CDH4: variants seen among roughly 807,000 people sequenced by gnomAD.
CDH4 encodes cadherin-4.
CDH4 carries 33 observed loss-of-function variants against 86.0 expected under a neutral mutation model. The ratio of observed to expected loss-of-function variants is 0.38; its 90% CI spans 0.29 to 0.51. The LOEUF is 0.51. CDH4 is among the 20% of genes least tolerant of loss of function. The pLI is 0.86. For synonymous variants in CDH4, 555 were observed against 549.4 expected, an observed-to-expected ratio of 1.01 and a Z score of -0.14; for missense variants, 1,114 against 1,307.4, an observed-to-expected ratio of 0.85 and a Z score of 2.28.
At chr20:61,375,837 G>A (rs796800968) in intron 2 of CDH4, among the ~76,000 whole-genome samples, 9 of 49,634 alleles carry the variant, frequency 1.8e-4, no homozygotes, top group South Asian at 8.0e-4. Flanking sequence ...TGGTGGTGAT[G>A]GTGTGGTTTG....
At chr20:61,626,315 C>A (rs2086829673) in intron 2 of CDH4, among the ~76,000 whole-genome samples, 1 of 152,194 alleles carries the variant, frequency 6.6e-6, no homozygotes, top group Non-Finnish European at 1.5e-5. Flanking sequence ...CCAAAGACGA[C>A]CTGGAGCTGC....
chr20:61,582,845 C>T lies in CDH4; in HGVS notation c.170-160718C>T, dbSNP rs1254870972. Among the ~76,000 whole-genome samples the T allele has an allele frequency of 6.6e-6, 1 of 152,192 alleles. No homozygotes were observed. The highest frequency in any genetic ancestry group is 1.5e-5 in the Non-Finnish European group (1 of 68,034). On this transcript the variant is annotated intron_variant, in intron 2 of 15. Transcript: ENST00000614565. This position sits in a 1 kb window ranked among gnomAD's most constrained non-coding sequence, Gnocchi z 4.2. ...TGTGCAAATCAACGATGTCTACATT[C>T]AGAGTTGTGCAGCCACCACCCCAGT...
chr20:61,910,965 G>GT (rs1302144725), intron 9 of CDH4, among the ~76,000 whole-genome samples: 1 of 152,184 alleles, frequency 6.6e-6, no homozygotes, highest in Admixed American at 6.5e-5. Context: ...GTAATATTTT[G>GT]TAACACATTG....
At chr20:61,853,274 C>T (rs1467166004) in intron 6 of CDH4, among the ~76,000 whole-genome samples, 5 of 152,120 alleles carry the variant, frequency 3.3e-5, no homozygotes, top group East Asian at 3.9e-4. Context: ...GGTGGGCTCC[C>T]GGGCAGGCGG....
rs542456884 is a variant in CDH4 at position 61,517,942 on chromosome 20, T to A, written c.170-225621T>A. ...TGCACAGACACAGCCAGACAGCTTC[T>A]GGGGCTGATTGCCCCTGGATGGGCC... On this transcript the variant is annotated intron_variant, in intron 2 of 15. Transcript: ENST00000614565. This position sits in a 1 kb window ranked among gnomAD's most constrained non-coding sequence, Gnocchi z 6.6. Among the ~76,000 whole-genome samples, 34 of 152,302 alleles carry A rather than the reference T, an allele frequency of 2.2e-4. No homozygotes were observed. The highest frequency in any genetic ancestry group is 7.5e-4 in the African/African-American group (31 of 41,594).
chr20:61,751,623 G>A (rs2088497577), intron 3 of CDH4, among the ~76,000 whole-genome samples: 1 of 152,158 alleles, frequency 6.6e-6, no homozygotes, highest in Admixed American at 6.5e-5. Context: ...TAGCCCACAG[G>A]CCTTTTATGG....
rs961772641 is a variant in CDH4 at position 61,902,711 on chromosome 20, C to A, written c.1188+7664C>A. 6.6e-6 allele frequency among the ~76,000 whole-genome samples: 1 copy of A among 152,190 alleles called. No individual in the cohort carries two copies. The highest frequency in any genetic ancestry group is 1.5e-5 in the Non-Finnish European group (1 of 68,034). On this transcript the variant is annotated intron_variant, in intron 8 of 15. Coordinates refer to ENST00000614565, the MANE Select transcript of CDH4 (RefSeq NM_001794.5). The surrounding 1 kb of genome is among the most constrained non-coding windows in gnomAD (Gnocchi z 4.6). ...AAAACAAAAAGATTCAGGCCACAGG[C>A]TTGTTGTCGAGCCCTGACTTCACCT... is the stretch of plus-strand genomic sequence containing the variant.
chr20:61,826,822 C>T (rs961519465), intron 4 of CDH4, among the ~76,000 whole-genome samples: 2 of 152,206 alleles, frequency 1.3e-5, no homozygotes, highest in African/African-American at 4.8e-5. Flanking sequence ...TGTCTCCTCA[C>T]CTCTGCTCTT....
chr20:61,920,200 G>GCA (rs2054959556), intron 9 of CDH4, among the ~76,000 whole-genome samples: 1 of 146,176 alleles, frequency 6.8e-6, no homozygotes, highest in African/African-American at 2.5e-5. Context: ...GTGGTGTCAT[G>GCA]GTGACTGCGT....
At chr20:61,928,473 G>A (rs2055071318) in intron 12 of CDH4, 50 bp downstream of exon 12, 6 of 1,521,796 alleles carry the variant, frequency 3.9e-6, no homozygotes, top group Non-Finnish European at 5.4e-6. Context: ...TGGGGTGCAG[G>A]CCCCTGGGAG....
chr20:61,319,091 C>T (rs1197323717), intron 2 of CDH4, among the ~76,000 whole-genome samples: 1 of 152,202 alleles, frequency 6.6e-6, no homozygotes, highest in Non-Finnish European at 1.5e-5. Context: ...CCTGTAGCTG[C>T]CAAAGACGCT....
At chr20:61,704,615 C>T (rs2087810558) in intron 2 of CDH4, among the ~76,000 whole-genome samples, 1 of 152,208 alleles carries the variant, frequency 6.6e-6, no homozygotes, top group Non-Finnish European at 1.5e-5. Flanking sequence ...GGTAGAGTCA[C>T]TCTCACCCCT....
intron 6 of CDH4, among the ~76,000 whole-genome samples, chr20:61,861,355 C>T (rs73307856): frequency 0.02 from 2,991 of 152,318 alleles, 99 homozygotes; most frequent in African/African-American, 0.065. Flanking sequence ...CACTAAATGC[C>T]ACGACAGCCC....
In CDH4 at chr20:61,378,259, GA is replaced by G. The variant is rs947680621; in HGVS notation, c.169+123331del. On this transcript the variant is annotated intron_variant, in intron 2 of 15. Coordinates refer to ENST00000614565, the MANE Select transcript of CDH4 (RefSeq NM_001794.5). ...GAGAAAGCAAAACTCTCTGTTAAAA[GA>G]AAAAAAAATTTATTGGGATATAGTT... 9.2e-5 allele frequency among the ~76,000 whole-genome samples: 14 copies of G among 151,678 alleles called. No individual in the cohort carries two copies. The South Asian group carries it at 1.0e-3, about 11-fold the overall frequency.
rs1248109005 is a variant in CDH4, at chr20:61,743,566, A to G, written c.173A>G (p.Lys58Arg). The G allele has an allele frequency of 3.8e-6, 6 of 1,559,906 alleles. No homozygotes were observed. In the Admixed American group the frequency reaches 9.6e-5, roughly 25 times the overall value. ...CTCTCTCCCCCTCCTCTTGCAGTCA[A>G]GTTCAGCAGCTGTGTGGGGACCAAG... Reference protein sequence around the residue: ...ILEGEKLLQVKFSSCVGTKGT... With the variant: ...ILEGEKLLQVRFSSCVGTKGT... Residue 58 changes from lysine (K) to arginine (R), a missense_variant, in exon 3 of 16, where the codon AAG becomes AGG. Around this residue, in one of 3 missense-constraint regions of CDH4, gnomAD observed 221 missense variants for 209.5 expected, o/e 1.05. Coordinates refer to ENST00000614565, the MANE Select transcript of CDH4 (RefSeq NM_001794.5).
intron 2 of CDH4, among the ~76,000 whole-genome samples, chr20:61,376,061 T>C (rs142204820): frequency 1.9e-4 from 23 of 118,742 alleles, no homozygotes; most frequent in South Asian, 2.9e-4. Context: ...GTGGTGATGG[T>C]GTGGTTTGTT....
chr20:61,504,042 G>C (rs1363787394), intron 2 of CDH4, among the ~76,000 whole-genome samples: 2 of 152,198 alleles, frequency 1.3e-5, no homozygotes, highest in South Asian at 2.1e-4. Context: ...GACCACAGCA[G>C]CCTTCCCCAT....
chr20:61,599,945 C>A, intron 2 of CDH4: 1 of 985,528 alleles, frequency 1.0e-6, no homozygotes, highest in Non-Finnish European at 1.2e-6. Context: ...GGTAGAGGAA[C>A]GGCCTCTCCA....
At chr20:61,453,464 T>A (rs1311467029) in intron 2 of CDH4, among the ~76,000 whole-genome samples, 2 of 152,140 alleles carry the variant, frequency 1.3e-5, no homozygotes, top group African/African-American at 4.8e-5. Flanking sequence ...CAGTGTCCTG[T>A]CTCTCATGGG....
Sources: gnomAD v4.1 joint callset for allele counts (sites outside exome capture counted in the v4.1 genomes callset) on GRCh38, gnomAD v4.1.1 for gene constraint, gnomAD v4.1.1 regional missense constraint, Gnocchi (gnomAD v3.1) non-coding constraint, MANE v1.5 for transcripts, NCBI Gene and HGNC (gene_info 2026-07-23, HGNC 2026-07-21) for gene names.